ATP9B: variants seen among roughly 807,000 people sequenced by gnomAD.
ATP9B encodes the protein ATPase phospholipid transporting 9B.
A neutral mutation model predicts 146.1 loss-of-function variants in ATP9B; 110 were observed. That is an observed-to-expected ratio of 0.75 (90% CI 0.65 to 0.88). The LOEUF (loss-of-function observed/expected upper bound fraction) is 0.88, where lower values mean the gene tolerates loss of function less well. ATP9B is among the 40% of genes least tolerant of loss of function. The pLI is 0.00. For missense variants in ATP9B, 1,499 were observed against 1,496.4 expected (o/e 1.00, Z -0.03); for synonymous variants, 604 against 569.7 (o/e 1.06, Z -0.86).
intron 4 of ATP9B, among the ~76,000 whole-genome samples, chr18:79,120,203 C>T (rs1011462501): frequency 1.5e-4 from 23 of 152,222 alleles, no homozygotes; most frequent in African/African-American, 5.5e-4. Flanking sequence ...TTCTTTTTGC[C>T]ATCTTTTGTT....
At chr18:79,119,688 T>G (rs617931) in intron 4 of ATP9B, among the ~76,000 whole-genome samples, 5 of 152,122 alleles carry the variant, frequency 3.3e-5, no homozygotes, top group Non-Finnish European at 7.4e-5. Flanking sequence ...TATTGTTCGA[T>G]CTGAGAATTG....
intron 1 of ATP9B, chr18:79,085,280 A>G (rs1398954679): frequency 1.3e-5 from 2 of 152,224 alleles, no homozygotes; most frequent in African/African-American, 2.4e-5. Context: ...ATGATTCAGT[A>G]TCTCCCACTA....
chr18:79,121,601 CCCTTT>C (rs1349635397), intron 4 of ATP9B, among the ~76,000 whole-genome samples: 1 of 152,204 alleles, frequency 6.6e-6, no homozygotes, highest in African/African-American at 2.4e-5. Flanking sequence ...GCCTCAACTT[CCCTTT>C]CCTTTAGTGT....
At position 79,377,697 on chromosome 18, in the gene ATP9B, G is replaced by T. The variant is rs190815531; in HGVS notation, c.*314G>T. 3.8e-4 allele frequency: 125 copies of T among 329,646 alleles called. No individual in the cohort carries two copies. The highest frequency in any genetic ancestry group is 2.4e-3 in the African/African-American group (116 of 47,374). The allele number at this position is 329,646 out of a possible 1,614,324, so 20.4% of individuals were successfully genotyped here. On this transcript the variant is annotated 3_prime_UTR_variant, in exon 30 of 30. Transcript: ENST00000426216. The stretch of plus-strand genomic sequence containing the variant: ...AGCCTCTCCCTCTCAGTGCAGGGAC[G>T]TCACCCCTGCCAGGCAAGCCCAGGG...
chr18:79,199,291 T>C (rs998322427), intron 9 of ATP9B, among the ~76,000 whole-genome samples: 1 of 152,114 alleles, frequency 6.6e-6, no homozygotes, highest in African/African-American at 2.4e-5. Context: ...TTACACAAAG[T>C]AATTTGTGCC....
At chr18:79,071,355 G>T (rs530250886) in intron 1 of ATP9B, among the ~76,000 whole-genome samples, 103 of 135,204 alleles carry the variant, frequency 7.6e-4, no homozygotes, top group Non-Finnish European at 1.5e-3. Context: ...ATAGTGTATT[G>T]CATATACCAC....
intron 10 of ATP9B, among the ~76,000 whole-genome samples, chr18:79,212,893 T>G (rs148709821): frequency 6.6e-6 from 1 of 152,258 alleles, no homozygotes; most frequent in Non-Finnish European, 1.5e-5. Context: ...AAGAGAAATA[T>G]ATATAATCTC....
At position 79,272,395 on chromosome 18, in the gene ATP9B, A is replaced by G. The variant is rs1453651496; in HGVS notation, c.1269-4659A>G. 2.0e-5 allele frequency among the ~76,000 whole-genome samples: 3 copies of G among 152,286 alleles called. No individual in the cohort carries two copies. The East Asian group carries it at 5.8e-4, about 29-fold the overall frequency. On this transcript the variant is annotated intron_variant, in intron 12 of 29. Transcript: ENST00000426216. ...CATGTATGTATGATGTGCCTGGTGC[A>G]CATCTGCACTCCGGAGCCTTCCCTG... is the stretch of plus-strand genomic sequence containing the variant.
intron 11 of ATP9B, among the ~76,000 whole-genome samples, chr18:79,245,909 G>GACTGAGGAGGGCACCA (rs1568484366): frequency 1.7e-5 from 1 of 59,070 alleles, no homozygotes; most frequent in African/African-American, 6.2e-5. Flanking sequence ...GGAGGGCACC[G>GACTGAGGAGGGCACCA]CCCTACTGAC....
chr18:79,082,402 T>C (rs530890114), intron 1 of ATP9B, among the ~76,000 whole-genome samples: 1 of 152,228 alleles, frequency 6.6e-6, no homozygotes, highest in African/African-American at 2.4e-5. Flanking sequence ...AAGTCTACTT[T>C]TGTCAATTTG....
chr18:79,297,954 G>T (rs2146341930), intron 13 of ATP9B, among the ~76,000 whole-genome samples: 1 of 146,840 alleles, frequency 6.8e-6, no homozygotes, highest in South Asian at 2.2e-4. Context: ...GGAAAACAAG[G>T]ATTAGAGGGG....
chr18:79,184,022 C>G (rs993501980), intron 8 of ATP9B, among the ~76,000 whole-genome samples: 1 of 152,062 alleles, frequency 6.6e-6, no homozygotes, highest in Non-Finnish European at 1.5e-5. Flanking sequence ...AATATCTTCG[C>G]TATGTAAATA....
chr18:79,310,971 C>T (rs1335814113), intron 15 of ATP9B, among the ~76,000 whole-genome samples: 2 of 151,650 alleles, frequency 1.3e-5, no homozygotes, highest in African/African-American at 2.4e-5. Context: ...GCCAACATGG[C>T]GAAACCCCGT....
chr18:79,313,948 A>G (rs2096665968), intron 15 of ATP9B, among the ~76,000 whole-genome samples: 1 of 152,224 alleles, frequency 6.6e-6, no homozygotes, highest in Non-Finnish European at 1.5e-5. Flanking sequence ...CTAAAGCCTC[A>G]GGAAAATCAT....
At chr18:79,271,959 T>C (rs959877806) in intron 12 of ATP9B, among the ~76,000 whole-genome samples, 4 of 152,230 alleles carry the variant, frequency 2.6e-5, no homozygotes, top group Non-Finnish European at 5.9e-5. Context: ...TATCTCATTG[T>C]GGTTTTGATT....
intron 15 of ATP9B, among the ~76,000 whole-genome samples, chr18:79,321,623 T>C (rs2096716776): frequency 6.6e-6 from 1 of 152,224 alleles, no homozygotes; most frequent in South Asian, 2.1e-4. Context: ...AAAGCATCTA[T>C]CATGAAAAAT....
At position 79,110,456 on chromosome 18, in the gene ATP9B, G is replaced by T; in HGVS notation, c.395G>T (p.Arg132Met). The T allele has an allele frequency of 6.2e-7, 1 of 1,613,144 alleles. No individual in the cohort carries two copies. The highest frequency in any genetic ancestry group is 1.7e-5 in the Admixed American group (1 of 59,942). The change falls in exon 3 of 30, where the codon AGG becomes ATG. Residue 132 changes from arginine to methionine, a missense_variant. Transcript: ENST00000426216. ...CPEKCEEKHP[R>M]NSIKNQKYNV... ...GAAAAGTGTGAAGAAAAACATCCCA[G>T]GAATTCTATAAAAAATCAAAAATAC... is the stretch of plus-strand genomic sequence containing the variant.
intron 6 of ATP9B, among the ~76,000 whole-genome samples, chr18:79,148,481 C>G (rs2094628096): frequency 6.6e-6 from 1 of 152,134 alleles, no homozygotes. Flanking sequence ...ACGCTATCAA[C>G]AGAATAAAGA....
At chr18:79,324,201 T>A (rs2096731834) in intron 15 of ATP9B, among the ~76,000 whole-genome samples, 1 of 152,166 alleles carries the variant, frequency 6.6e-6, no homozygotes, top group African/African-American at 2.4e-5. Context: ...AGATTCTGCT[T>A]ATTAATCTCT....
Sources: allele counts gnomAD v4.1 joint callset (sites outside exome capture counted in the v4.1 genomes callset), GRCh38; gene constraint gnomAD v4.1.1; transcripts MANE v1.5; gene names NCBI Gene and HGNC (gene_info 2026-07-23, HGNC 2026-07-21).